The following SLC25A12 variants were observed in gnomAD, a reference collection of about 807,000 sequenced individuals.
SLC25A12 encodes electrogenic aspartate/glutamate antiporter SLC25A12, mitochondrial.
Under a neutral mutation model 83.3 loss-of-function variants are expected in SLC25A12, and 32 were observed. The observed-to-expected ratio is 0.38, with a 90% confidence interval of 0.29 to 0.52. SLC25A12 has a LOEUF of 0.52. SLC25A12 is among the 20% of genes least tolerant of loss of function. The pLI, the probability that SLC25A12 is intolerant of heterozygous loss-of-function variation, is 0.84. For missense variants in SLC25A12, 611 were observed against 835.6 expected (o/e 0.73, Z 3.31); for synonymous variants, 267 against 291.1 (o/e 0.92, Z 0.84).
intron 3 of SLC25A12, among the ~76,000 whole-genome samples, chr2:171,859,737 A>C (rs768399256): frequency 2.0e-5 from 3 of 151,928 alleles, no homozygotes; most frequent in African/African-American, 4.8e-5. Context: ...GTATGGAATG[A>C]TAAAAACGTT....
At position 171,787,721 on chromosome 2, in the gene SLC25A12, G is replaced by A. The variant is rs985659005; in HGVS notation, c.1745-60C>T. ...AACCAGGACAAATGTGGTAAAGATA[G>A]CCACTGAGTCACAGGGGAGGACGCT... On this transcript the variant is annotated intron_variant, in intron 16 of 17. Coordinates refer to ENST00000422440, the MANE Select transcript of SLC25A12 (RefSeq NM_003705.5). 24 of 1,603,754 alleles carry A rather than the reference G, an allele frequency of 1.5e-5. 1 individual carries two copies. In the Middle Eastern group the frequency reaches 9.9e-4, roughly 66 times the overall value.
intron 13 of SLC25A12, among the ~76,000 whole-genome samples, chr2:171,800,599 G>A (rs943489627): frequency 1.3e-5 from 2 of 152,030 alleles, no homozygotes; most frequent in Admixed American, 6.6e-5. Flanking sequence ...AATATACATC[G>A]ACTCTATTCT....
In SLC25A12 at chr2:171,791,604, G is replaced by T. The variant is rs751134575; in HGVS notation, c.1447-15C>A. The T allele has an allele frequency of 1.9e-6, 3 of 1,612,748 alleles. No homozygotes were observed. Among genetic ancestry groups the T allele is most frequent in the Non-Finnish European group, 1.7e-6 (2 of 1,178,908 alleles). On this transcript the variant is annotated splice_polypyrimidine_tract_variant and intron_variant, in intron 14 of 17. Coordinates refer to ENST00000422440, the MANE Select transcript of SLC25A12 (RefSeq NM_003705.5). The stretch of plus-strand genomic sequence containing the variant: ...GCTTTGGCACCCTGTCACACAGTGA[G>T]GAAATAGTGCAAAACAGTGTGAAAC...
intron 2 of SLC25A12, among the ~76,000 whole-genome samples, chr2:171,879,157 T>C (rs1420211369): frequency 6.6e-6 from 1 of 152,248 alleles, no homozygotes; most frequent in Non-Finnish European, 1.5e-5. Flanking sequence ...GGATTTTAAT[T>C]AGTAATGTAA....
At chr2:171,861,008 T>C (rs1002309504) in intron 3 of SLC25A12, among the ~76,000 whole-genome samples, 1 of 151,978 alleles carries the variant, frequency 6.6e-6, no homozygotes, top group African/African-American at 2.4e-5. Flanking sequence ...GGGAGGATCA[T>C]TTGAGCTCAG....
intron 8 of SLC25A12, among the ~76,000 whole-genome samples, chr2:171,832,193 G>C (rs1212298544): frequency 6.6e-6 from 1 of 151,944 alleles, no homozygotes; most frequent in Non-Finnish European, 1.5e-5. Flanking sequence ...TTTTCCCTTG[G>C]GAAAAACCAT....
At position 171,819,369 on chromosome 2, in the gene SLC25A12, T is replaced by A. The variant is rs7592272; in HGVS notation, c.931-4167A>T. Reference sequence around the variant, plus strand: ...ATTATATATGTATTTATATTATATATAATATATTATATATAATATATATTA... The same window carrying A: ...ATTATATATGTATTTATATTATATAAAATATATTATATATAATATATATTA... On this transcript the variant is annotated intron_variant, in intron 9 of 17. Coordinates refer to ENST00000422440, the MANE Select transcript of SLC25A12 (RefSeq NM_003705.5). Among the ~76,000 whole-genome samples, 391 of 58,932 alleles carry A rather than the reference T, an allele frequency of 6.6e-3. 2 individuals are homozygous for A. The highest frequency in any genetic ancestry group is 0.017 in the African/African-American group (358 of 20,556). 38.7% of individuals were successfully genotyped at this position (58,932 alleles called of 152,430 possible). A position where few individuals can be genotyped will look rare whatever the true frequency, so the allele number is the denominator to read the frequency against.
intron 4 of SLC25A12, among the ~76,000 whole-genome samples, chr2:171,853,095 A>T (rs1684966984): frequency 6.6e-6 from 1 of 152,108 alleles, no homozygotes. Flanking sequence ...GGCTCAAGAG[A>T]TCCTCCCATT....
intron 8 of SLC25A12, among the ~76,000 whole-genome samples, chr2:171,833,061 A>T (rs1011566734): frequency 1.3e-5 from 2 of 152,120 alleles, no homozygotes; most frequent in Non-Finnish European, 2.9e-5. Context: ...TTTTTGGACC[A>T]TGTTTGTTCA....
intron 11 of SLC25A12, 67 bp from the exon 12 acceptor site, chr2:171,810,343 A>G (rs1359107747): frequency 4.8e-6 from 6 of 1,255,232 alleles, no homozygotes; most frequent in East Asian, 2.3e-5. Flanking sequence ...GCCCAGCAAC[A>G]AAGAGTTTCC....
At chr2:171,888,830 A>C (rs1685876595) in intron 2 of SLC25A12, among the ~76,000 whole-genome samples, 1 of 152,158 alleles carries the variant, frequency 6.6e-6, no homozygotes, top group African/African-American at 2.4e-5. Flanking sequence ...TTTATTGACT[A>C]TTTGTGAACT....
At position 171,835,503 on chromosome 2, in the gene SLC25A12, A is replaced by G. The variant is rs1163913330; in HGVS notation, c.613-638T>C. Among the ~76,000 whole-genome samples, 3 of 152,342 alleles carry G rather than the reference A, an allele frequency of 2.0e-5. No individual in the cohort carries two copies. In the East Asian group the frequency reaches 5.8e-4, roughly 29 times the overall value. ...TGTCTTCAATGGAATAGTGCAAAAG[A>G]GGCTCCCTCATGCCTGAGATGGCGG... On this transcript the variant is annotated intron_variant, in intron 6 of 17. Transcript: ENST00000422440.
intron 9 of SLC25A12, among the ~76,000 whole-genome samples, chr2:171,823,943 CA>C (rs5836354): frequency 0.9 from 127,329 of 142,218 alleles, 56,879 homozygotes; most frequent in South Asian, 0.96. Flanking sequence ...CCTGTCTCCA[CA>C]AAAAAAAAAA....
intron 2 of SLC25A12, among the ~76,000 whole-genome samples, chr2:171,892,462 T>C (rs895833326): frequency 1.3e-5 from 2 of 152,140 alleles, no homozygotes; most frequent in African/African-American, 4.8e-5. Context: ...CCTGACCTCA[T>C]GGTCCACCCG....
chr2:171,838,372 G>A (rs558464075), intron 5 of SLC25A12, among the ~76,000 whole-genome samples: 4 of 152,232 alleles, frequency 2.6e-5, no homozygotes, highest in Non-Finnish European at 5.9e-5. Context: ...TTCAAATGAA[G>A]TGGGAATTTT....
At chr2:171,890,374 C>T (rs887496314) in intron 2 of SLC25A12, among the ~76,000 whole-genome samples, 1 of 152,194 alleles carries the variant, frequency 6.6e-6, no homozygotes, top group African/African-American at 2.4e-5. Context: ...TACTGCAAAG[C>T]TTCAAATAAC....
chr2:171,822,377 G>A (rs1284958125), intron 9 of SLC25A12, among the ~76,000 whole-genome samples: 1 of 152,038 alleles, frequency 6.6e-6, no homozygotes, highest in Non-Finnish European at 1.5e-5. Context: ...GATGCATACT[G>A]CTATCCCTAT....
intron 9 of SLC25A12, among the ~76,000 whole-genome samples, chr2:171,825,618 C>T (rs1684284733): frequency 6.6e-6 from 1 of 152,144 alleles, no homozygotes. Context: ...TCCATGCCCT[C>T]CCCACGTCGC....
At chr2:171,786,637 T>C (rs1690495263) in intron 17 of SLC25A12, among the ~76,000 whole-genome samples, 1 of 152,312 alleles carries the variant, frequency 6.6e-6, no homozygotes, top group Admixed American at 6.5e-5. Flanking sequence ...GCTGAAAAGC[T>C]AATAATTGCT....
Sources: allele counts gnomAD v4.1 joint callset (sites outside exome capture counted in the v4.1 genomes callset), GRCh38; gene constraint gnomAD v4.1.1; transcripts MANE v1.5; gene names NCBI Gene and HGNC (gene_info 2026-07-23, HGNC 2026-07-21).